The following TRPS1 variants were observed in gnomAD, a reference collection of about 807,000 sequenced individuals.
TRPS1 encodes the protein transcriptional repressor GATA binding 1.
Under a neutral mutation model 101.2 loss-of-function variants are expected in TRPS1, and 6 were observed. The observed-to-expected ratio is 0.06, with a 90% CI of 0.03 to 0.12. The LOEUF (loss-of-function observed/expected upper bound fraction) is 0.12. TRPS1 is among the 10% of genes least tolerant of loss of function. TRPS1 has a pLI of 1.00. For synonymous variants in TRPS1, 578 were observed against 589.8 expected (o/e 0.98, Z 0.29); for missense variants, 1,363 against 1,567.0 (o/e 0.87, Z 2.20).
intron 5 of TRPS1, among the ~76,000 whole-genome samples, chr8:115,495,901 A>C (rs1815137401): frequency 6.6e-6 from 1 of 152,152 alleles, no homozygotes. Flanking sequence ...TGATGCTTGA[A>C]TTATTAGACA....
chr8:115,420,375 T>C (rs1813023647), intron 5 of TRPS1, among the ~76,000 whole-genome samples: 1 of 152,244 alleles, frequency 6.6e-6, no homozygotes, highest in South Asian at 2.1e-4. Flanking sequence ...AGTTAAGTTA[T>C]AATTGTGAAA....
At chr8:115,606,061 T>C (rs905412239) in intron 3 of TRPS1, among the ~76,000 whole-genome samples, 3 of 152,202 alleles carry the variant, frequency 2.0e-5, no homozygotes, top group Admixed American at 6.5e-5. Context: ...AGATGTAATA[T>C]ATTAAGCAAG....
At chr8:115,536,608 C>T (rs1816329717) in intron 5 of TRPS1, among the ~76,000 whole-genome samples, 1 of 150,950 alleles carries the variant, frequency 6.6e-6, no homozygotes, top group Non-Finnish European at 1.5e-5. Context: ...TTTGCCATTA[C>T]TATTTTGTGA....
intron 6 of TRPS1, among the ~76,000 whole-genome samples, chr8:115,417,261 G>T (rs1350848773): frequency 6.6e-6 from 1 of 152,048 alleles, no homozygotes; most frequent in Non-Finnish European, 1.5e-5. Flanking sequence ...GGTATGTGGT[G>T]GGGGGTGGAA....
intron 5 of TRPS1, among the ~76,000 whole-genome samples, chr8:115,448,563 T>C (rs1813793494): frequency 1.3e-5 from 2 of 152,066 alleles, no homozygotes; most frequent in East Asian, 3.9e-4. Flanking sequence ...CACAGAAGGG[T>C]TCCCAAACTC....
intron 1 of TRPS1, among the ~76,000 whole-genome samples, chr8:115,632,367 T>C (rs1818666013): frequency 6.6e-6 from 1 of 152,052 alleles, no homozygotes; most frequent in African/African-American, 2.4e-5. Context: ...GAGAATAGCC[T>C]GGAACATAAA....
Position 115,535,214 on chromosome 8 carries a change from C to CAT in TRPS1, c.2700+51785_2700+51786dup, listed in dbSNP as rs1218386258. On this transcript the variant is annotated intron_variant, in intron 5 of 6. Coordinates refer to ENST00000395715, the MANE Select transcript of TRPS1 (RefSeq NM_014112.5). ...TAGCATATATATAGCATATGTATAG[C>CAT]ATATATAGCATATATATATAGCATA... Among the ~76,000 whole-genome samples, 35 of 139,306 alleles carry CAT rather than the reference C, an allele frequency of 2.5e-4. 1 individual carries two copies. Among genetic ancestry groups the CAT allele is most frequent in the African/African-American group, 4.4e-4 (16 of 36,124 alleles). The allele number at this position is 139,306 out of a possible 152,430, so 91.4% of individuals were successfully genotyped here. A position where few individuals can be genotyped will look rare whatever the true frequency, so the allele number is the denominator to read the frequency against.
intron 5 of TRPS1, among the ~76,000 whole-genome samples, chr8:115,471,423 C>A (rs1814466671): frequency 6.6e-6 from 1 of 152,160 alleles, no homozygotes; most frequent in African/African-American, 2.4e-5. Flanking sequence ...ATTGGGGTAA[C>A]CGCCCCCATG....
At chr8:115,473,427 G>A (rs981788943) in intron 5 of TRPS1, among the ~76,000 whole-genome samples, 2 of 152,168 alleles carry the variant, frequency 1.3e-5, no homozygotes, top group Non-Finnish European at 2.9e-5. Flanking sequence ...CCTCCCACCA[G>A]GTCCCTCCCA....
intron 5 of TRPS1, among the ~76,000 whole-genome samples, chr8:115,511,479 A>G (rs2081833433): frequency 6.6e-6 from 1 of 151,862 alleles, no homozygotes; most frequent in Non-Finnish European, 1.5e-5. Flanking sequence ...CCACAGCTTC[A>G]ATCATTTCCT....
chr8:115,492,261 G>A lies in TRPS1; in HGVS notation c.2701-73809C>T, dbSNP rs920227803. 3.5e-5 allele frequency: 16 copies of A among 456,020 alleles called. No individual in the cohort carries two copies. The Admixed American group carries it at 3.8e-4, about 11-fold the overall frequency. The allele number at this position is 456,020 out of a possible 1,614,324, so 28.2% of individuals were successfully genotyped here. ...TAAACAAGGACTCAGAGGTAAGAAT[G>A]TTCAGGAAATGTGTTTGGCGTGTGT... On this transcript the variant is annotated intron_variant, in intron 5 of 6. Coordinates refer to ENST00000395715, the MANE Select transcript of TRPS1 (RefSeq NM_014112.5).
intron 1 of TRPS1, among the ~76,000 whole-genome samples, chr8:115,636,633 G>A (rs1818773087): frequency 6.6e-6 from 1 of 152,200 alleles, no homozygotes. Flanking sequence ...TAAGTACTTG[G>A]CTGGGCGTGG....
At position 115,414,012 on chromosome 8, in the gene TRPS1, G is replaced by A; in HGVS notation, c.*11C>T. On this transcript the variant is annotated 3_prime_UTR_variant, in exon 7 of 7. Transcript: ENST00000395715. This position sits in a 1 kb window ranked among gnomAD's most constrained non-coding sequence, Gnocchi z 4.8. ...ACCTATTTCTATTTAATTGTGCTAA[G>A]TGCTAAGGTTTTACTCTTTAGGTTT... The A allele has an allele frequency of 6.2e-7, 1 of 1,612,378 alleles. No individual in the cohort carries two copies. The highest frequency in any genetic ancestry group is 1.1e-5 in the South Asian group (1 of 90,964).
intron 1 of TRPS1, among the ~76,000 whole-genome samples, chr8:115,648,826 A>AC (rs1241127555): frequency 6.6e-6 from 1 of 151,990 alleles, no homozygotes; most frequent in Non-Finnish European, 1.5e-5. Context: ...TTTAAGTCTA[A>AC]CCCAAACCAC....
intron 1 of TRPS1, among the ~76,000 whole-genome samples, chr8:115,639,557 TG>T (rs1370113643): frequency 6.6e-6 from 1 of 151,296 alleles, no homozygotes; most frequent in Admixed American, 6.6e-5. Context: ...TGGCCAGGCG[TG>T]GTGGTTCACG....
intron 5 of TRPS1, among the ~76,000 whole-genome samples, chr8:115,547,686 T>C (rs111554133): frequency 1.1e-3 from 165 of 152,274 alleles, no homozygotes; most frequent in African/African-American, 3.8e-3. Context: ...TCCCTTGAGC[T>C]ACCCTCATCC....
chr8:115,611,709 C>T (rs1482789863), intron 3 of TRPS1, among the ~76,000 whole-genome samples: 3 of 152,060 alleles, frequency 2.0e-5, no homozygotes, highest in Non-Finnish European at 4.4e-5. Flanking sequence ...AAATCAACAG[C>T]GAGAGTAAGA....
At chr8:115,645,354 C>A (rs557651276) in intron 1 of TRPS1, among the ~76,000 whole-genome samples, 1 of 152,036 alleles carries the variant, frequency 6.6e-6, no homozygotes, top group South Asian at 2.1e-4. Context: ...ATTCTCCTGC[C>A]GAAAAACTGG....
At chr8:115,569,802 T>C (rs1156571046) in intron 5 of TRPS1, among the ~76,000 whole-genome samples, 1 of 152,064 alleles carries the variant, frequency 6.6e-6, no homozygotes, top group Non-Finnish European at 1.5e-5. Flanking sequence ...ATTCTTCACA[T>C]TTTTGTTTCA....
Sources: allele counts gnomAD v4.1 joint callset (sites outside exome capture counted in the v4.1 genomes callset), GRCh38; gene constraint gnomAD v4.1.1; non-coding constraint Gnocchi (gnomAD v3.1); transcripts MANE v1.5; gene names NCBI Gene and HGNC (gene_info 2026-07-23, HGNC 2026-07-21).